The following NME7 variants were observed in gnomAD, a reference collection of about 807,000 sequenced individuals.
The protein encoded by NME7 is NME/NM23 family member 7, also known as nucleoside diphosphate kinase 7.
Under a neutral mutation model 49.1 loss-of-function variants are expected in NME7, and 41 were observed. The observed-to-expected ratio is 0.83, with a 90% confidence interval of 0.65 to 1.08. The LOEUF (loss-of-function observed/expected upper bound fraction) is 1.08, where lower values mean the gene tolerates loss of function less well. NME7 is among the 50% of genes least tolerant of loss of function. The pLI is 0.00. For missense variants in NME7, 423 were observed against 463.4 expected (o/e 0.91, Z 0.80); for synonymous variants, 139 against 150.6 (o/e 0.92, Z 0.56).
At chr1:169,245,993 C>T (rs1452044598) in intron 7 of NME7, among the ~76,000 whole-genome samples, 1 of 152,244 alleles carries the variant, frequency 6.6e-6, no homozygotes, top group East Asian at 1.9e-4. Flanking sequence ...TTAATGGAAG[C>T]ACTCAGATTG....
At position 169,235,163 on chromosome 1, in the gene NME7, C is replaced by T. The variant is rs1424169625; in HGVS notation, c.856G>A (p.Glu286Lys). ...MDRVNVEEFY[E>K]VYKGVVTEYH... is the part of the protein sequence containing the mutation. Reference sequence around the variant, plus strand: ...TCGGTCACTACTCCTTTATAAACTTCATAGAATTCCTCAACATTAACCCGA... The same window carrying T: ...TCGGTCACTACTCCTTTATAAACTTTATAGAATTCCTCAACATTAACCCGA... The change falls in exon 9 of 12, where the codon GAA (glutamate) becomes AAA (lysine). Residue 286 changes from glutamate to lysine, a missense_variant. By Grantham distance (56) the Glu-to-Lys change is moderately conservative. Coordinates refer to ENST00000367811, the MANE Select transcript of NME7 (RefSeq NM_013330.5). 6.5e-7 allele frequency: 1 copy of T among 1,548,066 alleles called. No individual in the cohort carries two copies. The highest frequency in any genetic ancestry group is 8.8e-7 in the Non-Finnish European group (1 of 1,130,202).
At chr1:169,234,583 C>A (rs1647780347) in intron 9 of NME7, among the ~76,000 whole-genome samples, 1 of 152,022 alleles carries the variant, frequency 6.6e-6, no homozygotes, top group African/African-American at 2.4e-5. Flanking sequence ...TTAATTCCCA[C>A]AACAATCTCA....
chr1:169,286,553 ATGTATATATATGCAAACATG>A (rs1355095992), intron 7 of NME7: 2 of 152,170 alleles, frequency 1.3e-5, no homozygotes, highest in African/African-American at 4.8e-5. Flanking sequence ...CTCTTTATAT[ATGTATATATATGCAAACATG>A]TATATACATA....
intron 10 of NME7, among the ~76,000 whole-genome samples, chr1:169,201,090 G>A (rs1162224057): frequency 2.0e-5 from 3 of 152,110 alleles, no homozygotes; most frequent in Non-Finnish European, 4.4e-5. Flanking sequence ...CATGGGCCAG[G>A]TGTGGCGGCA....
chr1:169,169,702 A>C (rs1659521282), intron 10 of NME7, 148 bp from the exon 11 acceptor site: 1 of 630,620 alleles, frequency 1.6e-6, no homozygotes, highest in Non-Finnish European at 2.7e-6. Flanking sequence ...CCCAATGTAA[A>C]GTCTGCTTTC....
chr1:169,282,064 A>C (rs1308978873), intron 7 of NME7, among the ~76,000 whole-genome samples: 4 of 152,138 alleles, frequency 2.6e-5, no homozygotes, highest in African/African-American at 9.7e-5. Context: ...TTTGGCTGTG[A>C]ATCTGTCTGG....
chr1:169,186,559 T>C (rs2101755943), intron 10 of NME7, among the ~76,000 whole-genome samples: 1 of 152,332 alleles, frequency 6.6e-6, no homozygotes, highest in African/African-American at 2.4e-5. Context: ...AGTAGAGATG[T>C]TTACAGTATT....
At chr1:169,178,844 A>C (rs1469419694) in intron 10 of NME7, among the ~76,000 whole-genome samples, 1 of 129,690 alleles carries the variant, frequency 7.7e-6, no homozygotes, top group Non-Finnish European at 1.6e-5. Context: ...TTTTTGAGAC[A>C]GAGTCTTGCT....
At chr1:169,330,979 A>G (rs1204480649) in intron 1 of NME7, among the ~76,000 whole-genome samples, 1 of 152,200 alleles carries the variant, frequency 6.6e-6, no homozygotes, top group African/African-American at 2.4e-5. Flanking sequence ...CCCTGATACC[A>G]AAACCAGACA....
At chr1:169,169,271 G>A (rs1415481636) in intron 11 of NME7, among the ~76,000 whole-genome samples, 176 bp downstream of exon 11, 1 of 151,948 alleles carries the variant, frequency 6.6e-6, no homozygotes, top group East Asian at 1.9e-4. Context: ...TGGGTTGATG[G>A]GTGCAACAAA....
rs570515077 is a variant in NME7, at chr1:169,366,837, A to C, written c.3+871T>G. Among the ~76,000 whole-genome samples the C allele has an allele frequency of 2.6e-5, 4 of 152,234 alleles. No individual in the cohort carries two copies. In the South Asian group the frequency reaches 8.3e-4, roughly 32 times the overall value. ...GGTCAGGGGAAAACTGGGGTAACCA[A>C]AAGGATTGCTGAGTAGTATGAAGAA... On this transcript the variant is annotated intron_variant, in intron 1 of 11. Transcript: ENST00000367811.
In NME7 at chr1:169,239,199, G is replaced by A. The variant is rs149733513; in HGVS notation, c.755-1512C>T. On this transcript the variant is annotated intron_variant, in intron 7 of 11. Transcript: ENST00000367811. ...TGGTCTGAAGAAAAGAATAAGTAGT[G>A]GAAAGAATAGCAAAAGCTTTTGAAA... Among the ~76,000 whole-genome samples the A allele has an allele frequency of 1.5e-3, 222 of 151,876 alleles. 2 individuals carry two copies. The highest frequency in any genetic ancestry group is 5.0e-3 in the African/African-American group (208 of 41,456).
intron 10 of NME7, among the ~76,000 whole-genome samples, chr1:169,198,618 C>T (rs994433274): frequency 6.6e-6 from 1 of 152,012 alleles, no homozygotes; most frequent in Non-Finnish European, 1.5e-5. Context: ...TGAAAGACCA[C>T]ATATTATATG....
intron 10 of NME7, among the ~76,000 whole-genome samples, chr1:169,172,298 A>C (rs917049167): frequency 7.3e-5 from 11 of 151,490 alleles, no homozygotes; most frequent in Non-Finnish European, 1.6e-4. Context: ...CAAAAAAAAA[A>C]CAAACCCACA....
chr1:169,277,894 T>A (rs1205431612), intron 7 of NME7, among the ~76,000 whole-genome samples: 1 of 138,002 alleles, frequency 7.2e-6, no homozygotes, highest in Non-Finnish European at 1.6e-5. Context: ...GGTGACAAAA[T>A]CTCTCAGCAT....
rs1421554609 is a variant in NME7, at chr1:169,271,764, TAAA to T, written c.754+15536_754+15538del. Among the ~76,000 whole-genome samples, 2 of 132,376 alleles carry T rather than the reference TAAA, an allele frequency of 1.5e-5. 1 individual carries two copies. The highest frequency in any genetic ancestry group is 3.5e-5 in the Non-Finnish European group (2 of 56,778). The allele number at this position is 132,376 out of a possible 152,430, so 86.8% of individuals were successfully genotyped here. A position where few individuals can be genotyped will look rare whatever the true frequency, so the allele number is the denominator to read the frequency against. ...ACTCCTTTTTTAAAATAAAAATCTT[TAAA>T]AATAAAAATAAAAATCTTTCATGCC... is the stretch of plus-strand genomic sequence containing the variant. On this transcript the variant is annotated intron_variant, in intron 7 of 11. Coordinates refer to ENST00000367811, the MANE Select transcript of NME7 (RefSeq NM_013330.5).
chr1:169,253,414 T>C (rs1648732476), intron 7 of NME7, among the ~76,000 whole-genome samples: 1 of 151,852 alleles, frequency 6.6e-6, no homozygotes, highest in South Asian at 2.1e-4. Context: ...ATTGATTTTG[T>C]ATCCTGAGAC....
intron 4 of NME7, among the ~76,000 whole-genome samples, chr1:169,309,200 T>C (rs1651291199): frequency 6.6e-6 from 1 of 152,220 alleles, no homozygotes; most frequent in African/African-American, 2.4e-5. Flanking sequence ...TGGTGTCTTA[T>C]TGTTCTTTTC....
chr1:169,171,264 A>G (rs1659578894), intron 10 of NME7, among the ~76,000 whole-genome samples: 1 of 151,836 alleles, frequency 6.6e-6, no homozygotes, highest in East Asian at 1.9e-4. Context: ...GCTACTTGGG[A>G]GGCTGTGTGG....
Sources: gnomAD v4.1 joint callset for allele counts (sites outside exome capture counted in the v4.1 genomes callset) on GRCh38, gnomAD v4.1.1 for gene constraint, MANE v1.5 for transcripts, NCBI Gene and HGNC (gene_info 2026-07-23, HGNC 2026-07-21) for gene names.